Variants in ZFYVE9 observed in about 807,000 individuals in gnomAD.
ZFYVE9 encodes zinc finger FYVE domain-containing protein 9.
A neutral mutation model predicts 126.7 loss-of-function variants in ZFYVE9; 43 were observed. The observed-to-expected ratio is 0.34, with a 90% CI of 0.27 to 0.44. The LOEUF is 0.44. Among genes scored for constraint, ZFYVE9 ranks in the 20% least tolerant of loss-of-function variants. The pLI is 1.00. For missense variants in ZFYVE9, 1,476 were observed against 1,697.0 expected, an observed-to-expected ratio of 0.87 and a Z score of 2.29; for synonymous variants, 521 against 597.4, an observed-to-expected ratio of 0.87 and a Z score of 1.87.
intron 13 of ZFYVE9, among the ~76,000 whole-genome samples, chr1:52,311,203 A>G (rs926357074): frequency 6.6e-6 from 1 of 152,144 alleles, no homozygotes; most frequent in Non-Finnish European, 1.5e-5. Flanking sequence ...AAGATCAGAA[A>G]AATGATGAGC....
At chr1:52,258,573 A>T (rs1048808819) in intron 4 of ZFYVE9, among the ~76,000 whole-genome samples, 1 of 152,190 alleles carries the variant, frequency 6.6e-6, no homozygotes, top group African/African-American at 2.4e-5. Flanking sequence ...AGACAATTTC[A>T]TCTTGATCTT....
intron 1 of ZFYVE9, among the ~76,000 whole-genome samples, chr1:52,165,473 T>C (rs1485485597): frequency 1.3e-5 from 2 of 152,088 alleles, no homozygotes; most frequent in African/African-American, 4.8e-5. Flanking sequence ...TACATGCATG[T>C]GTGTGTATAT....
At chr1:52,288,282 A>C (rs760875554) in intron 10 of ZFYVE9, among the ~76,000 whole-genome samples, 1 of 152,170 alleles carries the variant, frequency 6.6e-6, no homozygotes, top group Non-Finnish European at 1.5e-5. Context: ...CATAAGAAGT[A>C]CTATAGTGTC....
chr1:52,161,399 C>T (rs1016788217), intron 1 of ZFYVE9, among the ~76,000 whole-genome samples: 35 of 152,168 alleles, frequency 2.3e-4, no homozygotes, highest in African/African-American at 7.7e-4. Flanking sequence ...AAGCGATTCT[C>T]CTGCCTCAGC....
At position 52,346,046 on chromosome 1, in the gene ZFYVE9, T is replaced by C. The variant is rs770566947; in HGVS notation, c.4117-14T>C. The C allele has an allele frequency of 1.3e-6, 2 of 1,568,038 alleles. No homozygotes were observed. Among genetic ancestry groups the C allele is most frequent in the South Asian group, 1.1e-5 (1 of 87,348 alleles). On this transcript the variant is annotated splice_polypyrimidine_tract_variant and intron_variant, in intron 18 of 18. Coordinates refer to ENST00000287727, the MANE Select transcript of ZFYVE9 (RefSeq NM_004799.4). ...TGTTCAGTAACCTCTCCTCCTTTTC[T>C]CTCTGTGGTATAGGTTGGCTATCAA...
At chr1:52,210,015 A>G (rs926213096) in intron 1 of ZFYVE9, among the ~76,000 whole-genome samples, 1 of 152,216 alleles carries the variant, frequency 6.6e-6, no homozygotes, top group Non-Finnish European at 1.5e-5. Context: ...TGGAGGCATT[A>G]TGGGATATGG....
intron 7 of ZFYVE9, among the ~76,000 whole-genome samples, chr1:52,272,060 A>G (rs1473171911): frequency 1.3e-5 from 2 of 151,256 alleles, no homozygotes; most frequent in Non-Finnish European, 2.9e-5. Context: ...CTGGTCTTGA[A>G]CTCTTGGCCT....
intron 10 of ZFYVE9, among the ~76,000 whole-genome samples, chr1:52,282,337 A>G (rs1645813343): frequency 1.3e-5 from 2 of 152,202 alleles, no homozygotes; most frequent in Admixed American, 6.5e-5. Flanking sequence ...ATTGAGAGAA[A>G]AGAAACACAT....
chr1:52,344,071 CAAAA>C (rs112122608), intron 17 of ZFYVE9, among the ~76,000 whole-genome samples: 1 of 89,892 alleles, frequency 1.1e-5, no homozygotes, highest in Non-Finnish European at 2.5e-5. Flanking sequence ...ACTTTGTTTC[CAAAA>C]AAAAAAAAAA....
chr1:52,255,918 CTTTT>C (rs1645505162), intron 4 of ZFYVE9, among the ~76,000 whole-genome samples: 10 of 81,488 alleles, frequency 1.2e-4, no homozygotes, highest in African/African-American at 6.4e-4. Context: ...CTTTTCTTTT[CTTTT>C]CTTTTCTTTT....
chr1:52,274,816 G>A (rs1002312185), intron 8 of ZFYVE9, among the ~76,000 whole-genome samples: 23 of 152,040 alleles, frequency 1.5e-4, no homozygotes, highest in African/African-American at 5.5e-4. Context: ...TACTTATAAT[G>A]TAAATGTAGT....
At chr1:52,185,091 C>T (rs1412295524) in intron 1 of ZFYVE9, among the ~76,000 whole-genome samples, 1 of 152,176 alleles carries the variant, frequency 6.6e-6, no homozygotes, top group African/African-American at 2.4e-5. Context: ...TTTGGGTCTG[C>T]CTCCGCATTG....
intron 4 of ZFYVE9, chr1:52,253,905 A>G: frequency 9.4e-7 from 1 of 1,064,618 alleles, no homozygotes; most frequent in Non-Finnish European, 1.5e-6. Context: ...GCAAGATTTC[A>G]GCCAAAGTAG....
chr1:52,221,744 CA>C (rs1645126314), intron 2 of ZFYVE9, among the ~76,000 whole-genome samples: 2 of 152,080 alleles, frequency 1.3e-5, no homozygotes, highest in Admixed American at 6.6e-5. Context: ...CTTATATTAA[CA>C]AAAAGGTGGA....
intron 10 of ZFYVE9, among the ~76,000 whole-genome samples, chr1:52,288,947 GAAAA>G (rs1645891321): frequency 7.6e-6 from 1 of 131,588 alleles, no homozygotes; most frequent in Admixed American, 7.4e-5. Flanking sequence ...AAAAAAAAAA[GAAAA>G]AGAAATATTA....
intron 1 of ZFYVE9, among the ~76,000 whole-genome samples, chr1:52,211,777 GATA>G (rs1572104097): frequency 6.6e-6 from 1 of 152,302 alleles, no homozygotes; most frequent in East Asian, 1.9e-4. Flanking sequence ...ATCTTTAACT[GATA>G]ATATTTTCAA....
chr1:52,190,710 A>G (rs1211085369), intron 1 of ZFYVE9, among the ~76,000 whole-genome samples: 3 of 152,228 alleles, frequency 2.0e-5, no homozygotes, highest in Non-Finnish European at 2.9e-5. Flanking sequence ...AGTGAACTGC[A>G]GCACTTTAAA....
intron 1 of ZFYVE9, among the ~76,000 whole-genome samples, chr1:52,205,835 T>C (rs1644973387): frequency 6.6e-6 from 1 of 152,264 alleles, no homozygotes. Context: ...ATTTGTGGTA[T>C]ACAAATTATA....
intron 12 of ZFYVE9, among the ~76,000 whole-genome samples, chr1:52,298,806 G>GTTTTTTT (rs747544817): frequency 4.6e-5 from 5 of 109,198 alleles, no homozygotes; most frequent in Non-Finnish European, 7.3e-5. Context: ...CTTTGTCAAT[G>GTTTTTTT]TTTTTTTTTT....
Sources: gnomAD v4.1 joint callset for allele counts (sites outside exome capture counted in the v4.1 genomes callset) on GRCh38, gnomAD v4.1.1 for gene constraint, MANE v1.5 for transcripts, NCBI Gene and HGNC (gene_info 2026-07-23, HGNC 2026-07-21) for gene names.